The following NBPF8 variants were observed in gnomAD, a reference collection of about 807,000 sequenced individuals.
NBPF8 encodes the protein NBPF member 8.
chr1:120,420,585 A>C (rs1660546334), intron 1 of NBPF8, among the ~76,000 whole-genome samples: 1 of 150,270 alleles, frequency 6.7e-6, no homozygotes. Context: ...GGTTTTAGGC[A>C]GTGCCCTCTA....
At chr1:120,419,314 A>G (rs1444805861), upstream of NBPF8, among the ~76,000 whole-genome samples, 1 of 152,238 alleles carries the variant, frequency 6.6e-6, no homozygotes, top group African/African-American at 2.4e-5. Context: ...TGTAGAATAT[A>G]CGTGTACAGA....
At chr1:120,426,937 G>A (rs1336316130) in intron 2 of NBPF8, among the ~76,000 whole-genome samples, 7 of 140,610 alleles carry the variant, frequency 5.0e-5, no homozygotes, top group Non-Finnish European at 1.1e-4. Context: ...TTCTTAGTTA[G>A]GATCCACAGC....
intron 18 of NBPF8, among the ~76,000 whole-genome samples, 179 bp downstream of exon 16, chr1:120,460,803 A>G (rs1661562952): frequency 6.6e-6 from 1 of 151,398 alleles, no homozygotes; most frequent in Non-Finnish European, 1.5e-5. Flanking sequence ...ATTTCTTCCT[A>G]CCCTTATCAT....
chr1:120,424,571 C>T (rs1410640375), intron 1 of NBPF8, among the ~76,000 whole-genome samples: 3 of 152,104 alleles, frequency 2.0e-5, no homozygotes, highest in African/African-American at 7.2e-5. Flanking sequence ...CCTCAGCATC[C>T]TGAATAGCTG....
intron 3 of NBPF8, among the ~76,000 whole-genome samples, chr1:120,429,984 G>A (rs1348227254): frequency 6.7e-6 from 1 of 148,604 alleles, no homozygotes; most frequent in East Asian, 1.9e-4. Context: ...CTTTTTTCAT[G>A]ATTTATAAAA....
exon 20 of NBPF8, chr1:120,462,182 A>T (rs1267533229): frequency 1.8e-6 from 1 of 546,816 alleles, no homozygotes; most frequent in Non-Finnish European, 3.2e-6. Context: ...GAAGACCAAG[A>T]CCCATCATGC....
upstream of NBPF8, chr1:120,434,006 C>A: frequency 6.0e-6 from 1 of 165,318 alleles, no homozygotes; most frequent in Non-Finnish European, 1.3e-5. Context: ...CCTTGTTGCC[C>A]ACAATGGCAG....
At chr1:120,419,373 C>A (rs1415100917), upstream of NBPF8, among the ~76,000 whole-genome samples, 2 of 152,158 alleles carry the variant, frequency 1.3e-5, no homozygotes, top group African/African-American at 2.4e-5. Flanking sequence ...ATTAACTACA[C>A]CCACACACTC....
upstream of NBPF8, among the ~76,000 whole-genome samples, chr1:120,415,053 C>G (rs1450476663): frequency 6.6e-6 from 1 of 152,034 alleles, no homozygotes; most frequent in African/African-American, 2.4e-5. Context: ...CCCTGAGGAG[C>G]CAGCTGGCTC....
At chr1:120,430,964 C>A (rs1660859029) in intron 3 of NBPF8, among the ~76,000 whole-genome samples, 1 of 151,096 alleles carries the variant, frequency 6.6e-6, no homozygotes, top group Admixed American at 6.6e-5. Context: ...AAAATTCCAA[C>A]CGGCATTTTG....
At chr1:120,465,098 A>G (rs1431506532) in intron 23 of NBPF8, among the ~76,000 whole-genome samples, 165 bp from the exon 22 acceptor site, 1 of 43,188 alleles carries the variant, frequency 2.3e-5, no homozygotes, top group Admixed American at 2.1e-4. Flanking sequence ...AAAACCGAGG[A>G]ATTTCTATCA....
chr1:120,423,144 AT>A (rs1433265843), intron 1 of NBPF8, among the ~76,000 whole-genome samples: 12 of 136,992 alleles, frequency 8.8e-5, no homozygotes, highest in African/African-American at 3.2e-4. Context: ...GCTCAACTTA[AT>A]TTTTTTTCAT....
chr1:120,416,625 A>AG (rs1425184190), upstream of NBPF8, among the ~76,000 whole-genome samples: 1 of 132,016 alleles, frequency 7.6e-6, no homozygotes. Context: ...AAAAAAAAAA[A>AG]AAAAAGTACA....
rs1553248967 is a variant in NBPF8, at chr1:120,452,178, C to G, written n.2136C>G. ...GCTGACCCAGTTAAGGGAGAAGTTG[C>G]GGGAAGGGAGAGATGCCTCCCTCTC... On this transcript the variant is annotated non_coding_transcript_exon_variant, in exon 13 of 25. Transcript: ENST00000583271. 1.7e-4 allele frequency: 266 copies of G among 1,595,096 alleles called. 4 individuals carry two copies. The South Asian group carries it at 2.7e-3, about 16-fold the overall frequency.
At chr1:120,419,630 T>G (rs1487728159), upstream of NBPF8, among the ~76,000 whole-genome samples, 147 of 151,146 alleles carry the variant, frequency 9.7e-4, 1 homozygote, top group African/African-American at 3.4e-3. Context: ...GGCCAATTTT[T>G]CATTTTTTAT....
At chr1:120,426,786 G>A (rs1187302405) in intron 2 of NBPF8, among the ~76,000 whole-genome samples, 2 of 152,230 alleles carry the variant, frequency 1.3e-5, no homozygotes, top group East Asian at 3.9e-4. Flanking sequence ...CAGCTTATCT[G>A]CCTCTAATGT....
exon 21 of NBPF8, chr1:120,462,952 C>G: frequency 6.1e-6 from 3 of 489,168 alleles, no homozygotes; most frequent in Non-Finnish European, 1.0e-5. Context: ...CTTGGCTTGG[C>G]TCTTGACGTG....
At chr1:120,432,984 G>A (rs1660925276), upstream of NBPF8, 1 of 152,062 alleles carries the variant, frequency 6.6e-6, no homozygotes, top group Non-Finnish European at 1.5e-5. Context: ...ACATAATAGA[G>A]ATTAACAGCC....
At chr1:120,450,060 T>C (rs201105049) in intron 11 of NBPF8, among the ~76,000 whole-genome samples, 16 of 151,222 alleles carry the variant, frequency 1.1e-4, no homozygotes, top group African/African-American at 3.2e-4. Context: ...AACCCCATCT[T>C]CACTAAAAAT....
Sources: allele counts gnomAD v4.1 joint callset (sites outside exome capture counted in the v4.1 genomes callset), GRCh38; gene constraint gnomAD v4.1.1; transcripts MANE v1.5; gene names NCBI Gene and HGNC (gene_info 2026-07-23, HGNC 2026-07-21).